PKNOX2: variants seen among roughly 807,000 people sequenced by gnomAD.
The protein encoded by PKNOX2 is PBX/knotted 1 homeobox 2, also known as homeobox protein PKNOX2.
PKNOX2 carries 14 observed loss-of-function variants against 53.1 expected under a neutral mutation model. The ratio of observed to expected loss-of-function variants is 0.26; its 90% CI spans 0.17 to 0.41. The LOEUF (loss-of-function observed/expected upper bound fraction) is 0.41, where lower values mean the gene tolerates loss of function less well. PKNOX2 is among the 10% of genes least tolerant of loss of function. The pLI is 1.00. For missense variants in PKNOX2, 496 were observed against 602.8 expected (o/e 0.82, Z 1.85); for synonymous variants, 257 against 242.8 (o/e 1.06, Z -0.54).
intron 1 of PKNOX2, among the ~76,000 whole-genome samples, chr11:125,224,090 C>T (rs1003082898): frequency 2.0e-5 from 3 of 152,240 alleles, no homozygotes; most frequent in East Asian, 1.9e-4. Flanking sequence ...CTCTTCAGTC[C>T]GCCAGAAACA....
chr11:125,307,144 T>C (rs1948517153), intron 2 of PKNOX2, among the ~76,000 whole-genome samples: 1 of 152,200 alleles, frequency 6.6e-6, no homozygotes, highest in Non-Finnish European at 1.5e-5. Flanking sequence ...CTTGGTGACC[T>C]AGCACAAAGC....
chr11:125,267,428 G>T, intron 2 of PKNOX2, among the ~76,000 whole-genome samples: 1 of 152,186 alleles, frequency 6.6e-6, no homozygotes, highest in East Asian at 1.9e-4. Flanking sequence ...CTGCCTGGCT[G>T]GGCCATCTCT....
intron 3 of PKNOX2, among the ~76,000 whole-genome samples, chr11:125,349,367 A>C (rs1241705036): frequency 6.6e-6 from 1 of 151,930 alleles, no homozygotes; most frequent in Non-Finnish European, 1.5e-5. Flanking sequence ...GCTCCCCCAA[A>C]GCCCCCTCCT....
At chr11:125,261,211 G>A (rs975119335) in intron 2 of PKNOX2, among the ~76,000 whole-genome samples, 1 of 152,150 alleles carries the variant, frequency 6.6e-6, no homozygotes, top group Non-Finnish European at 1.5e-5. Flanking sequence ...AGGGATGTTT[G>A]CTGTCAGGAT....
chr11:125,351,934 C>G (rs1412558434), intron 4 of PKNOX2, among the ~76,000 whole-genome samples: 1 of 152,112 alleles, frequency 6.6e-6, no homozygotes, highest in Non-Finnish European at 1.5e-5. Context: ...CTGCACACCC[C>G]GCAACCCTTT....
In PKNOX2 at chr11:125,332,930, G is replaced by A. The variant is rs1404108537; in HGVS notation, c.-23+1005G>A. Reference sequence around the variant, plus strand: ...ACAATGCTCGTCCTTCTTCCTGTCTGGGGAGCTCTGTGTTCTAGGTACAAT... The same window carrying A: ...ACAATGCTCGTCCTTCTTCCTGTCTAGGGAGCTCTGTGTTCTAGGTACAAT... On this transcript the variant is annotated intron_variant, in intron 3 of 12. Coordinates refer to ENST00000298282, the MANE Select transcript of PKNOX2 (RefSeq NM_001382323.2). Among the ~76,000 whole-genome samples, 6 of 152,194 alleles carry A rather than the reference G, an allele frequency of 3.9e-5. No individual in the cohort carries two copies. In the South Asian group the frequency reaches 6.2e-4, roughly 16 times the overall value.
At chr11:125,340,500 C>T (rs1317159032) in intron 3 of PKNOX2, among the ~76,000 whole-genome samples, 1 of 152,192 alleles carries the variant, frequency 6.6e-6, no homozygotes, top group Non-Finnish European at 1.5e-5. Flanking sequence ...GGTTTGCTCA[C>T]CCACGAATGG....
chr11:125,328,888 G>A (rs964253579), intron 2 of PKNOX2, among the ~76,000 whole-genome samples: 20 of 152,188 alleles, frequency 1.3e-4, no homozygotes, highest in Admixed American at 6.5e-5. Context: ...CAAGGGAAAG[G>A]CATCTCTCAT....
At chr11:125,300,193 C>G (rs1947948127) in intron 2 of PKNOX2, among the ~76,000 whole-genome samples, 1 of 152,204 alleles carries the variant, frequency 6.6e-6, no homozygotes, top group African/African-American at 2.4e-5. Flanking sequence ...TTTGAAAGAG[C>G]AAAGGTGGCC....
At chr11:125,227,475 A>G (rs1941806870) in intron 1 of PKNOX2, among the ~76,000 whole-genome samples, 2 of 152,118 alleles carry the variant, frequency 1.3e-5, no homozygotes, top group African/African-American at 4.8e-5. Flanking sequence ...ACCATACAGT[A>G]TTTGTCTTTT....
In PKNOX2 at chr11:125,430,043, T is replaced by G. The variant is rs770429085; in HGVS notation, c.1094T>G (p.Ile365Ser). ...NPDPAPKAKK[I>S]KSQHRPTQRF... is the part of the protein sequence containing the mutation. Reference sequence around the variant, plus strand: ...GATCCTGCCCCCAAAGCCAAGAAGATCAAGTCTCAGCACCGGCCCACCCAA... The same window carrying G: ...GATCCTGCCCCCAAAGCCAAGAAGAGCAAGTCTCAGCACCGGCCCACCCAA... Residue 365 changes from isoleucine (I) to serine (S), a missense_variant, in exon 12 of 13, where the codon ATC (isoleucine) becomes AGC (serine). By Grantham distance (142) the Ile-to-Ser change is moderately radical. This residue lies in a region of PKNOX2 where 139 missense variants were observed against 161.3 expected (regional missense o/e 0.86). Coordinates refer to ENST00000298282, the MANE Select transcript of PKNOX2 (RefSeq NM_001382323.2). The G allele has an allele frequency of 2.7e-5, 43 of 1,613,944 alleles. No individual in the cohort carries two copies. Among genetic ancestry groups the G allele is most frequent in the Middle Eastern group, 1.6e-4 (1 of 6,084 alleles).
rs191066888 is a variant in PKNOX2 at position 125,399,771 on chromosome 11, G to A, written c.588+1709G>A. 2.2e-4 allele frequency among the ~76,000 whole-genome samples: 34 copies of A among 152,282 alleles called. No homozygotes were observed. In the East Asian group the frequency reaches 5.0e-3, roughly 23 times the overall value. ...CTCCTGGGCCCTCCAACTCCACCTC[G>A]AGCTCTGGAGCTGGGGGTGCACCAG... is the stretch of plus-strand genomic sequence containing the variant. On this transcript the variant is annotated intron_variant, in intron 7 of 12. Transcript: ENST00000298282.
In PKNOX2 at chr11:125,328,120, G is replaced by C. The variant is rs1949931829; in HGVS notation, c.-129-3699G>C. Reference sequence around the variant, plus strand: ...ACCCCAGCACCAGGAGGGACACAATGAAAGAGACAGAGGCTGGAGGCCACA... The same window carrying C: ...ACCCCAGCACCAGGAGGGACACAATCAAAGAGACAGAGGCTGGAGGCCACA... On this transcript the variant is annotated intron_variant, in intron 2 of 12. Transcript: ENST00000298282. Among the ~76,000 whole-genome samples, 2 of 152,190 alleles carry C rather than the reference G, an allele frequency of 1.3e-5. 1 individual carries two copies. The highest frequency in any genetic ancestry group is 4.1e-4 in the South Asian group (2 of 4,826).
At chr11:125,334,839 A>T (rs1236029421) in intron 3 of PKNOX2, among the ~76,000 whole-genome samples, 2 of 151,918 alleles carry the variant, frequency 1.3e-5, no homozygotes, top group East Asian at 3.9e-4. Context: ...CCTGAGTCCA[A>T]GTAATCTGCC....
chr11:125,381,302 G>A (rs1347034018), intron 5 of PKNOX2, among the ~76,000 whole-genome samples: 1 of 152,162 alleles, frequency 6.6e-6, no homozygotes, highest in Non-Finnish European at 1.5e-5. Flanking sequence ...GGAGGCTGGG[G>A]TAGGAGAAGA....
chr11:125,413,693 C>T (rs1281183359), intron 10 of PKNOX2, among the ~76,000 whole-genome samples: 1 of 152,186 alleles, frequency 6.6e-6, no homozygotes, highest in African/African-American at 2.4e-5. Flanking sequence ...CTTAGGAAGA[C>T]TGTGATGAAG....
At chr11:125,248,031 C>G (rs1032147316) in intron 2 of PKNOX2, among the ~76,000 whole-genome samples, 2 of 152,194 alleles carry the variant, frequency 1.3e-5, no homozygotes, top group African/African-American at 2.4e-5. Context: ...ATGTCTGTGT[C>G]TGTCCTTTTC....
chr11:125,183,837 T>C (rs965576412), intron 1 of PKNOX2, among the ~76,000 whole-genome samples: 3 of 151,998 alleles, frequency 2.0e-5, no homozygotes, highest in Non-Finnish European at 4.4e-5. Context: ...ATGAATGGAG[T>C]GTTCATTCAG....
At chr11:125,310,040 T>G (rs1948711012) in intron 2 of PKNOX2, among the ~76,000 whole-genome samples, 2 of 152,224 alleles carry the variant, frequency 1.3e-5, no homozygotes, top group African/African-American at 4.8e-5. Flanking sequence ...TGGAAGACTT[T>G]GTCATACTGC....
Sources: gnomAD v4.1 joint callset for allele counts (sites outside exome capture counted in the v4.1 genomes callset) on GRCh38, gnomAD v4.1.1 for gene constraint, gnomAD v4.1.1 regional missense constraint, MANE v1.5 for transcripts, NCBI Gene and HGNC (gene_info 2026-07-23, HGNC 2026-07-21) for gene names.